Variants in DPP6 observed in about 807,000 individuals in gnomAD.
DPP6 encodes the protein A-type potassium channel modulatory protein DPP6.
Under a neutral mutation model 122.6 loss-of-function variants are expected in DPP6, and 69 were observed. The observed-to-expected ratio is 0.56, with a 90% CI of 0.46 to 0.69. The LOEUF (loss-of-function observed/expected upper bound fraction) is 0.69. DPP6 is among the 30% of genes least tolerant of loss of function. DPP6 has a pLI of 0.00. For missense variants in DPP6, 928 were observed against 1,116.9 expected (o/e 0.83, Z 2.41); for synonymous variants, 418 against 433.1 (o/e 0.97, Z 0.43).
At chr7:154,329,510 C>G (rs752339786) in intron 1 of DPP6, among the ~76,000 whole-genome samples, 2 of 152,138 alleles carry the variant, frequency 1.3e-5, no homozygotes, top group Non-Finnish European at 2.9e-5. Context: ...GTTAGAATGG[C>G]GATCATTAAA....
chr7:154,293,287 A>C lies in DPP6; in HGVS notation c.244-152927A>C, dbSNP rs1227473122. Among the ~76,000 whole-genome samples, 3 of 152,138 alleles carry C rather than the reference A, an allele frequency of 2.0e-5. No individual in the cohort carries two copies. In the East Asian group the frequency reaches 5.8e-4, roughly 29 times the overall value. ...GACTTCTAACATGTAAGAAGCCTTCACTTTAGTGGTCATCTCTCCTCCTTT... is the reference window on the plus strand; with the variant it reads ...GACTTCTAACATGTAAGAAGCCTTCCCTTTAGTGGTCATCTCTCCTCCTTT... On this transcript the variant is annotated intron_variant, in intron 1 of 25. Coordinates refer to ENST00000377770, the MANE Select transcript of DPP6 (RefSeq NM_130797.4).
At chr7:153,785,812 G>A in the DPP6 span, among the ~76,000 whole-genome samples, 2 of 151,800 alleles carry the variant, frequency 1.3e-5, no homozygotes, top group Non-Finnish European at 2.9e-5. Flanking sequence ...GTGCTACCAA[G>A]CCTAGCTAAG....
chr7:154,477,504 G>T (rs1161222358), intron 3 of DPP6, among the ~76,000 whole-genome samples: 1 of 144,954 alleles, frequency 6.9e-6, no homozygotes, highest in Admixed American at 7.1e-5. Context: ...CATGGCATCA[G>T]ACTTGGCCTA....
chr7:154,313,229 C>G (rs1174432201), intron 1 of DPP6, among the ~76,000 whole-genome samples: 1 of 152,090 alleles, frequency 6.6e-6, no homozygotes, highest in Non-Finnish European at 1.5e-5. Flanking sequence ...TGGATGGGAA[C>G]AGCTCAAGGT....
chr7:154,559,970 G>A (rs1830315609), intron 4 of DPP6, among the ~76,000 whole-genome samples: 1 of 141,224 alleles, frequency 7.1e-6, no homozygotes, highest in Admixed American at 7.2e-5. Flanking sequence ...TATATATAAA[G>A]ATATAGACAT....
Position 154,540,582 on chromosome 7 carries a change from G to A in DPP6, c.508G>A (p.Val170Ile). The change falls in exon 4 of 26, where the codon GTT (valine) becomes ATT (isoleucine). Residue 170 changes from valine to isoleucine, a missense_variant. By Grantham distance (29) the Val-to-Ile change is conservative. Transcript: ENST00000377770. ...GAAAGGAACAGTGAGACTGTGGAAT[G>A]TTGAAACAAATACTTCTACTGTCTT... ...EQKGTVRLWN[V>I]ETNTSTVLIE... 6.2e-7 allele frequency: 1 copy of A among 1,607,030 alleles called. No individual in the cohort carries two copies. Among genetic ancestry groups the A allele is most frequent in the Non-Finnish European group, 8.5e-7 (1 of 1,177,046 alleles).
intron 1 of DPP6, among the ~76,000 whole-genome samples, chr7:154,277,228 C>T (rs1804201442): frequency 6.6e-6 from 1 of 152,094 alleles, no homozygotes; most frequent in Admixed American, 6.6e-5. Flanking sequence ...TTGCAAGTTA[C>T]ACATAAATTT....
intron 1 of DPP6, among the ~76,000 whole-genome samples, chr7:154,239,992 T>TAAAAAAAAAA (rs763543397): frequency 4.0e-5 from 2 of 50,424 alleles, no homozygotes; most frequent in African/African-American, 6.0e-5. Flanking sequence ...ATGCTGTCTT[T>TAAAAAAAAAA]AAAAAAAAAA....
the DPP6 span, among the ~76,000 whole-genome samples, chr7:153,815,194 G>A: frequency 3.3e-4 from 50 of 152,210 alleles, 1 homozygote; most frequent in East Asian, 3.3e-3. Flanking sequence ...TGACATGATC[G>A]TATATCTAGA....
intron 1 of DPP6, among the ~76,000 whole-genome samples, chr7:154,399,082 G>C (rs1161413395): frequency 1.3e-5 from 2 of 152,124 alleles, no homozygotes; most frequent in East Asian, 1.9e-4. Context: ...ACCCAGTGTT[G>C]ATTCTTATGG....
At chr7:154,535,010 A>T (rs559780760) in intron 3 of DPP6, among the ~76,000 whole-genome samples, 1 of 152,302 alleles carries the variant, frequency 6.6e-6, no homozygotes, top group East Asian at 1.9e-4. Context: ...TTGGCATAAG[A>T]ATAGACACAG....
chr7:154,399,155 C>T (rs1430759016), intron 1 of DPP6, among the ~76,000 whole-genome samples: 1 of 152,192 alleles, frequency 6.6e-6, no homozygotes, highest in East Asian at 1.9e-4. Context: ...TCTGGAAACT[C>T]AGGAGAAGCC....
At chr7:154,580,814 A>G (rs1832016326) in intron 5 of DPP6, among the ~76,000 whole-genome samples, 1 of 152,186 alleles carries the variant, frequency 6.6e-6, no homozygotes, top group Admixed American at 6.5e-5. Context: ...CCGCCATGGG[A>G]AACACCTGCA....
chr7:154,884,762 C>T (rs1805985777), intron 21 of DPP6: 1 of 140,428 alleles, frequency 7.1e-6, no homozygotes, highest in Non-Finnish European at 1.6e-5. Flanking sequence ...CATACATGCT[C>T]ACACAGGCAT....
chr7:154,148,197 G>A (rs1796213972), intron 1 of DPP6, among the ~76,000 whole-genome samples: 1 of 131,922 alleles, frequency 7.6e-6, no homozygotes, highest in African/African-American at 2.9e-5. Flanking sequence ...GGCCTGGGGA[G>A]TAATGGGAGG....
chr7:154,091,770 G>A (rs917079782), intron 1 of DPP6, among the ~76,000 whole-genome samples: 15 of 151,994 alleles, frequency 9.9e-5, no homozygotes, highest in Non-Finnish European at 5.9e-5. Flanking sequence ...TGACCCTCCC[G>A]ATGTACCAGA....
chr7:154,039,410 C>T (rs1305528811), intron 1 of DPP6, among the ~76,000 whole-genome samples: 1 of 111,926 alleles, frequency 8.9e-6, no homozygotes, highest in Non-Finnish European at 1.7e-5. Flanking sequence ...TCATCTGAGG[C>T]TGCTCTCCAA....
At chr7:154,582,440 TG>T (rs1832135488) in intron 5 of DPP6, among the ~76,000 whole-genome samples, 1 of 152,204 alleles carries the variant, frequency 6.6e-6, no homozygotes, top group Admixed American at 6.5e-5. Context: ...TTCTCCTCCT[TG>T]GACAGTGGAA....
intron 1 of DPP6, among the ~76,000 whole-genome samples, chr7:154,325,098 C>A (rs909490787): frequency 1.3e-5 from 2 of 152,012 alleles, no homozygotes; most frequent in African/African-American, 4.8e-5. Flanking sequence ...AATTCCTGAC[C>A]TCAAGTGATT....
Sources: gnomAD v4.1 joint callset for allele counts (sites outside exome capture counted in the v4.1 genomes callset) on GRCh38, gnomAD v4.1.1 for gene constraint, MANE v1.5 for transcripts, NCBI Gene and HGNC (gene_info 2026-07-23, HGNC 2026-07-21) for gene names.